PAM: variants seen among roughly 807,000 people sequenced by gnomAD.
PAM encodes peptidyl-glycine alpha-amidating monooxygenase.
PAM carries 72 observed loss-of-function variants against 122.1 expected under a neutral mutation model. The observed-to-expected ratio is 0.59, with a 90% confidence interval of 0.49 to 0.72. PAM has a LOEUF of 0.72. Ranked by LOEUF, PAM falls within the 30% of genes least tolerant of loss-of-function variation. The pLI, the probability that PAM is intolerant of heterozygous loss-of-function variation, is 0.00. For missense variants in PAM, 1,106 were observed against 1,183.7 expected (o/e 0.93, Z 0.96); for synonymous variants, 389 against 404.4 (o/e 0.96, Z 0.46).
At chr5:102,944,837 A>C in intron 7 of PAM, among the ~76,000 whole-genome samples, 1 of 152,134 alleles carries the variant, frequency 6.6e-6, no homozygotes, top group African/African-American at 2.4e-5. Flanking sequence ...CCTTCTGAGA[A>C]CATGTTTTGC....
At chr5:102,897,998 A>C (rs111882262) in intron 3 of PAM, among the ~76,000 whole-genome samples, 6 of 151,650 alleles carry the variant, frequency 4.0e-5, no homozygotes, top group African/African-American at 1.2e-4. Flanking sequence ...AAAATAAAGA[A>C]TGCTATGAGA....
intron 1 of PAM, among the ~76,000 whole-genome samples, chr5:102,857,836 G>A (rs1164973394): frequency 6.6e-6 from 1 of 152,174 alleles, no homozygotes; most frequent in Non-Finnish European, 1.5e-5. Context: ...TTATTATTTT[G>A]CAAGAAAATG....
At chr5:102,793,347 G>A (rs1211459908) in intron 1 of PAM, among the ~76,000 whole-genome samples, 1 of 150,612 alleles carries the variant, frequency 6.6e-6, no homozygotes, top group Admixed American at 6.6e-5. Flanking sequence ...AACATAGGGA[G>A]ACCCCTGTCT....
At chr5:102,931,779 A>C (rs1235757813) in intron 7 of PAM, among the ~76,000 whole-genome samples, 1 of 151,562 alleles carries the variant, frequency 6.6e-6, no homozygotes, top group Admixed American at 6.6e-5. Flanking sequence ...TGGGAAAACT[A>C]GCAGATATTA....
At chr5:102,925,859 C>CAGTAAGCTTTATTATT (rs1749269221) in intron 6 of PAM, among the ~76,000 whole-genome samples, 2 of 151,610 alleles carry the variant, frequency 1.3e-5, no homozygotes, top group African/African-American at 4.9e-5. Flanking sequence ...GCTTTATTAA[C>CAGTAAGCTTTATTATT]AGTAAGACTA....
At chr5:103,005,593 G>A (rs1321872547) in intron 18 of PAM, among the ~76,000 whole-genome samples, 1 of 152,028 alleles carries the variant, frequency 6.6e-6, no homozygotes. Flanking sequence ...TCTTCTTATG[G>A]CACTAATCCC....
chr5:102,882,026 T>C (rs1791299368), intron 3 of PAM, among the ~76,000 whole-genome samples: 1 of 135,472 alleles, frequency 7.4e-6, no homozygotes. Flanking sequence ...CATTCCTTTT[T>C]GTGGCTGAGT....
chr5:102,766,269 T>C (rs1453892956), intron 1 of PAM, among the ~76,000 whole-genome samples: 1 of 152,226 alleles, frequency 6.6e-6, no homozygotes, highest in African/African-American at 2.4e-5. Context: ...GAAATAATTA[T>C]ACAACTCACC....
chr5:103,025,213 G>C lies in PAM; in HGVS notation c.2568G>C (p.Leu856=). Residue 856 remains leucine (L), a synonymous_variant, in exon 24 of 26, where the codon CTG becomes CTC. Transcript: ENST00000438793. ...ELQKMQEKQK[L]IKEPGSGVPV... The stretch of plus-strand genomic sequence containing the variant: ...AGAAGATGCAAGAGAAACAGAAACT[G>C]ATCAAAGAGCCAGGCTCGGGAGTGC... 1 of 1,613,744 alleles carries C rather than the reference G, an allele frequency of 6.2e-7. No homozygotes were observed. The highest frequency in any genetic ancestry group is 8.5e-7 in the Non-Finnish European group (1 of 1,179,726).
chr5:102,833,089 A>G (rs1317813193), intron 1 of PAM, among the ~76,000 whole-genome samples: 5 of 152,206 alleles, frequency 3.3e-5, no homozygotes, highest in African/African-American at 1.2e-4. Context: ...GTCAATTAAT[A>G]TAACAACAAA....
At chr5:102,806,122 T>C (rs969593667) in intron 1 of PAM, among the ~76,000 whole-genome samples, 15 of 152,218 alleles carry the variant, frequency 9.9e-5, no homozygotes, top group African/African-American at 3.4e-4. Context: ...TCTGGAAAAG[T>C]CGAAACAAGT....
intron 1 of PAM, among the ~76,000 whole-genome samples, chr5:102,859,237 C>T (rs529433017): frequency 1.3e-5 from 2 of 152,108 alleles, no homozygotes; most frequent in South Asian, 4.1e-4. Flanking sequence ...TAGGAGATGA[C>T]TGTTCCATGT....
chr5:102,887,152 A>T (rs991700882), intron 3 of PAM, among the ~76,000 whole-genome samples: 1 of 152,006 alleles, frequency 6.6e-6, no homozygotes, highest in South Asian at 2.1e-4. Context: ...TTGATTCCCA[A>T]TGTGGCACTG....
chr5:102,976,976 T>C (rs1767881228), intron 15 of PAM, among the ~76,000 whole-genome samples: 1 of 152,178 alleles, frequency 6.6e-6, no homozygotes, highest in South Asian at 2.1e-4. Context: ...GAGATTTCTA[T>C]TCAGAACCCT....
chr5:102,948,962 G>A (rs1019972939), intron 9 of PAM, among the ~76,000 whole-genome samples: 15 of 151,952 alleles, frequency 9.9e-5, no homozygotes, highest in African/African-American at 2.9e-4. Flanking sequence ...TATATTTTAC[G>A]ATCCTCTGAT....
intron 1 of PAM, among the ~76,000 whole-genome samples, chr5:102,816,370 A>G (rs376059190): frequency 1.3e-5 from 2 of 152,148 alleles, no homozygotes; most frequent in South Asian, 2.1e-4. Context: ...AGAGAAGATG[A>G]GAACACAGGA....
intron 1 of PAM, among the ~76,000 whole-genome samples, chr5:102,782,910 A>T: frequency 6.6e-6 from 1 of 151,498 alleles, no homozygotes; most frequent in Non-Finnish European, 1.5e-5. Flanking sequence ...TTTTTGGTGT[A>T]TCTGAGATGC....
At chr5:102,998,912 A>T (rs1776538865) in intron 16 of PAM, among the ~76,000 whole-genome samples, 1 of 152,212 alleles carries the variant, frequency 6.6e-6, no homozygotes, top group South Asian at 2.1e-4. Context: ...TAATAAAGAC[A>T]TACTTGAGAC....
chr5:102,972,438 C>T (rs1257803597), intron 14 of PAM, among the ~76,000 whole-genome samples: 2 of 152,034 alleles, frequency 1.3e-5, no homozygotes, highest in Non-Finnish European at 2.9e-5. Context: ...AATGCCACCA[C>T]ACCCAGCTAA....
Sources: allele counts gnomAD v4.1 joint callset (sites outside exome capture counted in the v4.1 genomes callset), GRCh38; gene constraint gnomAD v4.1.1; transcripts MANE v1.5; gene names NCBI Gene and HGNC (gene_info 2026-07-23, HGNC 2026-07-21).